The following AAR2 variants were observed in gnomAD, a reference collection of about 807,000 sequenced individuals.
AAR2 encodes the protein protein AAR2 homolog.
AAR2 carries 31 observed loss-of-function variants against 26.9 expected under a neutral mutation model. That is an observed-to-expected ratio of 1.15 (90% CI 0.86 to 1.55). The LOEUF (loss-of-function observed/expected upper bound fraction) is 1.55, where lower values mean the gene tolerates loss of function less well. Ranked by LOEUF, AAR2 falls within the 40% of genes most tolerant of loss-of-function variation. The probability of loss-of-function intolerance (pLI) is 0.00; values close to 1 mark genes in which losing one functional copy is unlikely to be tolerated. For synonymous variants in AAR2, 188 were observed against 196.1 expected, an observed-to-expected ratio of 0.96 and a Z score of 0.34; for missense variants, 430 against 491.3, an observed-to-expected ratio of 0.88 and a Z score of 1.18.
rs1300447620 is a variant in AAR2 at position 36,245,022 on chromosome 20, A to G, written c.987+96A>G. Reference sequence around the variant, plus strand: ...CTCGCTATTCTTCCATGACCCCAAAATTTTTAAATTTCAGTTTCCTAGTCT... The same window carrying G: ...CTCGCTATTCTTCCATGACCCCAAAGTTTTTAAATTTCAGTTTCCTAGTCT... On this transcript the variant is annotated intron_variant, in intron 3 of 3. Coordinates refer to ENST00000320849, the MANE Select transcript of AAR2 (RefSeq NM_001271874.2). 5 of 1,138,920 alleles carry G rather than the reference A, an allele frequency of 4.4e-6. No homozygotes were observed. The Admixed American group carries it at 1.1e-4, about 24-fold the overall frequency. The allele number at this position is 1,138,920 out of a possible 1,614,324, so 70.6% of individuals were successfully genotyped here. A position where few individuals can be genotyped will look rare whatever the true frequency, so the allele number is the denominator to read the frequency against.
At chr20:36,254,784 CA>C (rs1238171328) in intron 3 of AAR2, among the ~76,000 whole-genome samples, 20 of 152,280 alleles carry the variant, frequency 1.3e-4, no homozygotes, top group South Asian at 8.3e-4. Context: ...AACTGTAAAT[CA>C]GATATACCGT....
intron 3 of AAR2, among the ~76,000 whole-genome samples, chr20:36,251,639 T>G (rs1805095288): frequency 6.6e-6 from 1 of 152,248 alleles, no homozygotes; most frequent in Non-Finnish European, 1.5e-5. Flanking sequence ...TCACTGCGTG[T>G]TGCCGCATGC....
rs766799042 is a variant in AAR2, at chr20:36,240,260, A to G, written c.392A>G (p.Lys131Arg). 3.1e-6 allele frequency: 5 copies of G among 1,614,210 alleles called. No homozygotes were observed. The South Asian group carries it at 5.5e-5, about 18-fold the overall frequency. ...FLGPYPYATLKKWISLTNFIS... is the reference protein window; with the variant it reads ...FLGPYPYATLRKWISLTNFIS... ...GGGCCTTACCCATATGCCACCCTGA[A>G]GAAGTGGATCTCACTCACCAACTTC... Residue 131 changes from lysine to arginine, a missense_variant, in exon 2 of 4, where the codon AAG becomes AGG. By Grantham distance (26) the Lys-to-Arg change is conservative. Coordinates refer to ENST00000320849, the MANE Select transcript of AAR2 (RefSeq NM_001271874.2).
intron 1 of AAR2, among the ~76,000 whole-genome samples, chr20:36,239,379 G>C (rs1297499284): frequency 1.3e-5 from 2 of 152,204 alleles, no homozygotes; most frequent in Admixed American, 1.3e-4. Flanking sequence ...TTTTGGGATA[G>C]TTTTTTGGCA....
chr20:36,255,562 C>A lies in AAR2; in HGVS notation c.988-16C>A. ...CTCCGTCTTCTCAGGAGTGACTTAT[C>A]CTCTGTTCTCTGTAGGTTTTCTTTT... On this transcript the variant is annotated splice_polypyrimidine_tract_variant and intron_variant, in intron 3 of 3. Coordinates refer to ENST00000320849, the MANE Select transcript of AAR2 (RefSeq NM_001271874.2). The A allele has an allele frequency of 6.2e-7, 1 of 1,613,966 alleles. No individual in the cohort carries two copies. Among genetic ancestry groups the A allele is most frequent in the South Asian group, 1.1e-5 (1 of 90,946 alleles).
chr20:36,254,388 G>T (rs2064803278), intron 3 of AAR2, among the ~76,000 whole-genome samples: 1 of 152,212 alleles, frequency 6.6e-6, no homozygotes, highest in Admixed American at 6.5e-5. Flanking sequence ...GGTGCCTAGA[G>T]TAGTCAGATT....
chr20:36,243,002 TG>T (rs1052542548), intron 2 of AAR2, among the ~76,000 whole-genome samples: 14 of 151,514 alleles, frequency 9.2e-5, no homozygotes, highest in African/African-American at 3.4e-4. Context: ...GGACTTCAGG[TG>T]TGTGCCACCA....
intron 1 of AAR2, among the ~76,000 whole-genome samples, chr20:36,238,279 G>C (rs561378750): frequency 6.6e-6 from 1 of 152,126 alleles, no homozygotes; most frequent in Admixed American, 6.5e-5. Flanking sequence ...AATAATGCTG[G>C]TTGAGACCTT....
chr20:36,241,565 G>A (rs1180319938), intron 2 of AAR2, among the ~76,000 whole-genome samples: 1 of 152,056 alleles, frequency 6.6e-6, no homozygotes, highest in East Asian at 1.9e-4. Context: ...GGCCGGTGGG[G>A]ATCACCTGAG....
rs1238902514 is a variant in AAR2, at chr20:36,255,930, C to T, written c.*185C>T. On this transcript the variant is annotated 3_prime_UTR_variant, in exon 4 of 4. Coordinates refer to ENST00000320849, the MANE Select transcript of AAR2 (RefSeq NM_001271874.2). ...TCTTCATTGCCAAAGAGGCTGTACC[C>T]ATCCTGAAGGCACATTTGTGGGTTC... 6.2e-5 allele frequency: 51 copies of T among 825,696 alleles called. No homozygotes were observed. The highest frequency in any genetic ancestry group is 6.7e-5 in the Non-Finnish European group (37 of 552,416). 51.1% of individuals were successfully genotyped at this position (825,696 alleles called of 1,614,324 possible).
In AAR2 at chr20:36,240,454, C is replaced by T. The variant is rs1244751295; in HGVS notation, c.586C>T (p.Pro196Ser). Residue 196 changes from proline (P) to serine (S), a missense_variant, in exon 2 of 4, where the codon CCA becomes TCA. Pro to Ser is a moderately conservative substitution (Grantham distance 74). Coordinates refer to ENST00000320849, the MANE Select transcript of AAR2 (RefSeq NM_001271874.2). Reference protein sequence around the residue: ...KSYQEGLARLPEMKPRAGTEI... With the variant: ...KSYQEGLARLSEMKPRAGTEI... ...CTACCAAGAGGGCCTGGCCCGGCTA[C>T]CAGAGATGAAGCCCAGAGCCGGGAC... 2 of 1,614,202 alleles carry T rather than the reference C, an allele frequency of 1.2e-6. No homozygotes were observed. The highest frequency in any genetic ancestry group is 1.1e-5 in the South Asian group (1 of 91,086).
chr20:36,255,910 AT>A lies in AAR2; in HGVS notation c.*167del. On this transcript the variant is annotated 3_prime_UTR_variant, in exon 4 of 4. Coordinates refer to ENST00000320849, the MANE Select transcript of AAR2 (RefSeq NM_001271874.2). ...TTTTCACTGATAAATATATTTCTTC[AT>A]TGCCAAAGAGGCTGTACCCATCCTG... The A allele has an allele frequency of 1.0e-6, 1 of 964,994 alleles. No individual in the cohort carries two copies. The highest frequency in any genetic ancestry group is 1.5e-6 in the Non-Finnish European group (1 of 672,578). The allele number at this position is 964,994 out of a possible 1,614,324, so 59.8% of individuals were successfully genotyped here. A position where few individuals can be genotyped will look rare whatever the true frequency, so the allele number is the denominator to read the frequency against.
At chr20:36,252,848 C>G (rs755253937) in intron 3 of AAR2, among the ~76,000 whole-genome samples, 30 of 152,166 alleles carry the variant, frequency 2.0e-4, no homozygotes, top group Non-Finnish European at 3.7e-4. Flanking sequence ...GAGAAGGCTT[C>G]TGTGCTGTCC....
intron 2 of AAR2, among the ~76,000 whole-genome samples, chr20:36,243,882 G>A (rs1465868590): frequency 1.3e-5 from 2 of 152,188 alleles, no homozygotes; most frequent in Non-Finnish European, 1.5e-5. Context: ...AGGCAGTTTG[G>A]CTCCAGAGCC....
intron 3 of AAR2, among the ~76,000 whole-genome samples, chr20:36,245,326 A>G (rs911283159): frequency 2.6e-5 from 4 of 152,222 alleles, no homozygotes; most frequent in Non-Finnish European, 5.9e-5. Flanking sequence ...TTAAGCATTA[A>G]AATAACTTTG....
chr20:36,254,562 C>T (rs577295628), intron 3 of AAR2, among the ~76,000 whole-genome samples: 4 of 151,958 alleles, frequency 2.6e-5, no homozygotes, highest in African/African-American at 9.7e-5. Context: ...GAGTTTTGGC[C>T]GGGGATGATG....
intron 2 of AAR2, among the ~76,000 whole-genome samples, chr20:36,243,781 A>C (rs2064706772): frequency 6.6e-6 from 1 of 152,336 alleles, no homozygotes; most frequent in South Asian, 2.1e-4. Flanking sequence ...CTTTGCTACA[A>C]CCCTCAAATA....
intron 2 of AAR2, among the ~76,000 whole-genome samples, chr20:36,242,331 A>G (rs2064690556): frequency 6.6e-6 from 1 of 151,210 alleles, no homozygotes; most frequent in Non-Finnish European, 1.5e-5. Flanking sequence ...TGGCTCAGCT[A>G]ATGATATAAC....
intron 3 of AAR2, among the ~76,000 whole-genome samples, chr20:36,255,121 A>T: frequency 6.6e-6 from 1 of 152,076 alleles, no homozygotes; most frequent in East Asian, 1.9e-4. Context: ...TTTAAGGGGG[A>T]TAGAAGCCTC....
Sources: allele counts gnomAD v4.1 joint callset (sites outside exome capture counted in the v4.1 genomes callset), GRCh38; gene constraint gnomAD v4.1.1; transcripts MANE v1.5; gene names NCBI Gene and HGNC (gene_info 2026-07-23, HGNC 2026-07-21).